The following PTPRG variants were observed in gnomAD, a reference collection of about 807,000 sequenced individuals.
PTPRG encodes protein tyrosine phosphatase receptor type G.
A neutral mutation model predicts 165.3 loss-of-function variants in PTPRG; 102 were observed. The ratio of observed to expected loss-of-function variants is 0.62; its 90% CI spans 0.53 to 0.73. PTPRG has a LOEUF of 0.73. Among genes scored for constraint, PTPRG ranks in the 30% least tolerant of loss-of-function variants. The pLI is 0.00. For synonymous variants in PTPRG, 675 were observed against 669.5 expected (o/e 1.01, Z -0.13); for missense variants, 1,866 against 1,861.4 (o/e 1.00, Z -0.05).
chr3:61,780,899 T>C (rs1390205116), intron 2 of PTPRG, among the ~76,000 whole-genome samples: 1 of 152,258 alleles, frequency 6.6e-6, no homozygotes, highest in Non-Finnish European at 1.5e-5. Context: ...GATGGCGTGA[T>C]ATTATAAGTT....
chr3:62,085,297 A>T (rs1559788239), intron 5 of PTPRG, among the ~76,000 whole-genome samples: 1 of 151,808 alleles, frequency 6.6e-6, no homozygotes, highest in South Asian at 2.1e-4. Flanking sequence ...GAAGTGTAAG[A>T]TTCTTGAGCT....
At chr3:62,184,434 C>G (rs1256143248) in intron 8 of PTPRG, among the ~76,000 whole-genome samples, 1 of 152,190 alleles carries the variant, frequency 6.6e-6, no homozygotes, top group Non-Finnish European at 1.5e-5. Flanking sequence ...ACCTAGACCT[C>G]TTTCATATAG....
At chr3:61,806,198 A>G (rs11715478) in intron 2 of PTPRG, among the ~76,000 whole-genome samples, 14,595 of 152,184 alleles carry the variant, frequency 0.096, 977 homozygotes, top group East Asian at 0.21. Flanking sequence ...TGGTCTTTTA[A>G]AGTGGAGGGA....
rs949037157 is a variant in PTPRG at position 61,766,853 on chromosome 3, C to T, written c.190+17871C>T. Among the ~76,000 whole-genome samples, 4 of 151,808 alleles carry T rather than the reference C, an allele frequency of 2.6e-5. No homozygotes were observed. The East Asian group carries it at 7.9e-4, about 30-fold the overall frequency. On this transcript the variant is annotated intron_variant, in intron 2 of 29. Transcript: ENST00000474889. ...CAGGCTGGTCTCAAACTCCTGATCTCAAATGATCTGCACACCTTGGCCTCC... is the reference window on the plus strand; with the variant it reads ...CAGGCTGGTCTCAAACTCCTGATCTTAAATGATCTGCACACCTTGGCCTCC...
At chr3:61,564,533 G>C (rs1699858914) in intron 1 of PTPRG, among the ~76,000 whole-genome samples, 1 of 152,200 alleles carries the variant, frequency 6.6e-6, no homozygotes, top group Admixed American at 6.5e-5. Flanking sequence ...CCTGGTCCGG[G>C]AGCCGAGGGG....
intron 28 of PTPRG, among the ~76,000 whole-genome samples, chr3:62,283,866 G>T (rs960076712): frequency 6.6e-6 from 1 of 152,026 alleles, no homozygotes; most frequent in East Asian, 1.9e-4. Context: ...CAAAATGTTG[G>T]CCTGACTCTT....
At chr3:61,709,605 G>A (rs943290372) in intron 1 of PTPRG, among the ~76,000 whole-genome samples, 4 of 152,118 alleles carry the variant, frequency 2.6e-5, no homozygotes, top group African/African-American at 7.2e-5. Flanking sequence ...GTGAGCCACC[G>A]TTCCCCGCCT....
chr3:61,831,681 G>A (rs765980918), intron 2 of PTPRG, among the ~76,000 whole-genome samples: 2 of 152,136 alleles, frequency 1.3e-5, no homozygotes, highest in Non-Finnish European at 2.9e-5. Flanking sequence ...GATGAGTTAG[G>A]AAAATGCCAA....
chr3:61,597,687 C>T (rs1177408456), intron 1 of PTPRG, among the ~76,000 whole-genome samples: 1 of 151,254 alleles, frequency 6.6e-6, no homozygotes. Flanking sequence ...TTAATTTAAT[C>T]TATTAAAATG....
intron 2 of PTPRG, chr3:61,770,517 A>G (rs921918501): frequency 1.3e-5 from 2 of 152,160 alleles, no homozygotes; most frequent in Non-Finnish European, 2.9e-5. Context: ...ACACAAGTGT[A>G]TATATATTTG....
chr3:61,802,931 G>A (rs1166810938), intron 2 of PTPRG, among the ~76,000 whole-genome samples: 1 of 152,300 alleles, frequency 6.6e-6, no homozygotes, highest in South Asian at 2.1e-4. Flanking sequence ...ACAGGCACCT[G>A]GTAGGTTCAT....
rs1297722074 is a variant in PTPRG at position 62,269,063 on chromosome 3, A to G, written c.2903A>G (p.Glu968Gly). ...RRKCDQYWPT[E>G]NSEEYGNIIV... ...AAATGTGATCAGTATTGGCCAACAG[A>G]GAACAGTGAGGAATATGGAAACATT... Residue 968 changes from glutamate to glycine, a missense_variant, in exon 20 of 30, where the codon GAG becomes GGG. This residue lies in a region of PTPRG where 1,452 missense variants were observed against 1,463.0 expected (regional missense o/e 0.99). Transcript: ENST00000474889. The G allele has an allele frequency of 2.5e-6, 4 of 1,601,968 alleles. No individual in the cohort carries two copies. In the South Asian group the frequency reaches 4.5e-5, roughly 18 times the overall value.
chr3:61,723,281 T>A (rs1220489201), intron 1 of PTPRG, among the ~76,000 whole-genome samples: 1 of 152,194 alleles, frequency 6.6e-6, no homozygotes. Context: ...TTTTTCTTTT[T>A]ACTGTCACAA....
rs375322474 is a variant in PTPRG at position 62,029,461 on chromosome 3, G to A, written c.519+25964G>A. On this transcript the variant is annotated intron_variant, in intron 4 of 29. Coordinates refer to ENST00000474889, the MANE Select transcript of PTPRG (RefSeq NM_002841.4). ...ACATTCCTAGCGCACCCTTAAAAAC[G>A]CTAAAACACTAGATATTATTTATGA... Among the ~76,000 whole-genome samples, 9 of 152,146 alleles carry A rather than the reference G, an allele frequency of 5.9e-5. No homozygotes were observed. The East Asian group carries it at 1.5e-3, about 26-fold the overall frequency.
Position 62,275,841 on chromosome 3 carries a change from GA to G in PTPRG, c.3466-30del, listed in dbSNP as rs762278059. On this transcript the variant is annotated intron_variant, in intron 23 of 29. Coordinates refer to ENST00000474889, the MANE Select transcript of PTPRG (RefSeq NM_002841.4). ...AGCAAATGCTATCAATTATATCTTT[GA>G]ATGAAGACTAAAATGTTTTTTCTTT... 5 of 1,504,228 alleles carry G rather than the reference GA, an allele frequency of 3.3e-6. No individual in the cohort carries two copies. The Admixed American group carries it at 5.4e-5, about 16-fold the overall frequency. 93.2% of individuals were successfully genotyped at this position (1,504,228 alleles called of 1,614,324 possible). A position where few individuals can be genotyped will look rare whatever the true frequency, so the allele number is the denominator to read the frequency against.
intron 2 of PTPRG, among the ~76,000 whole-genome samples, chr3:61,865,304 C>A (rs141657686): frequency 7.9e-5 from 12 of 152,304 alleles, no homozygotes; most frequent in Non-Finnish European, 1.5e-4. Context: ...ATAGCAGCTA[C>A]CAGTTAGAGA....
intron 8 of PTPRG, among the ~76,000 whole-genome samples, chr3:62,170,632 C>T (rs961893063): frequency 5.6e-4 from 85 of 152,294 alleles, no homozygotes; most frequent in African/African-American, 1.9e-3. Flanking sequence ...TCCTTAAATA[C>T]GGCAAATTCA....
At position 62,104,573 on chromosome 3, in the gene PTPRG, T is replaced by C. The variant is rs112095735; in HGVS notation, c.615+26315T>C. On this transcript the variant is annotated intron_variant, in intron 5 of 29. Coordinates refer to ENST00000474889, the MANE Select transcript of PTPRG (RefSeq NM_002841.4). Reference sequence around the variant, plus strand: ...GTACCTTGTATGCAACAGGCAGTAATAGGCTATTTCGTAGCAATTTCAGTG... The same window carrying C: ...GTACCTTGTATGCAACAGGCAGTAACAGGCTATTTCGTAGCAATTTCAGTG... 1.4e-3 allele frequency among the ~76,000 whole-genome samples: 211 copies of C among 152,344 alleles called. 1 individual carries two copies. The highest frequency in any genetic ancestry group is 4.7e-3 in the African/African-American group (195 of 41,580).
intron 1 of PTPRG, among the ~76,000 whole-genome samples, chr3:61,640,786 C>T (rs776629919): frequency 3.5e-4 from 53 of 152,322 alleles, no homozygotes; most frequent in East Asian, 7.7e-4. Context: ...TTGGATATTT[C>T]ACGTTTCTAC....
Sources: allele counts gnomAD v4.1 joint callset (sites outside exome capture counted in the v4.1 genomes callset), GRCh38; gene constraint gnomAD v4.1.1; regional missense constraint gnomAD v4.1.1; transcripts MANE v1.5; gene names NCBI Gene and HGNC (gene_info 2026-07-23, HGNC 2026-07-21).